The following ARNT2 variants were observed in gnomAD, a reference collection of about 807,000 sequenced individuals.
ARNT2 encodes ARNT protein 2.
A neutral mutation model predicts 91.7 loss-of-function variants in ARNT2; 36 were observed. The ratio of observed to expected loss-of-function variants is 0.39; its 90% CI spans 0.30 to 0.52. ARNT2 has a LOEUF of 0.52. Ranked by LOEUF, ARNT2 falls within the 20% of genes least tolerant of loss-of-function variation. The pLI is 0.72. For synonymous variants in ARNT2, 365 were observed against 347.1 expected, an observed-to-expected ratio of 1.05 and a Z score of -0.57; for missense variants, 775 against 939.3, an observed-to-expected ratio of 0.83 and a Z score of 2.29.
At chr15:80,464,827 C>T (rs1039412986) in intron 3 of ARNT2, among the ~76,000 whole-genome samples, 4 of 152,154 alleles carry the variant, frequency 2.6e-5, no homozygotes, top group South Asian at 2.1e-4. Flanking sequence ...GTCTTCCTTC[C>T]CGAGTGTCAC....
rs1331367417 is a variant in ARNT2, at chr15:80,574,211, C to T, written c.1380C>T (p.Asp460=). 3.1e-6 allele frequency: 5 copies of T among 1,614,032 alleles called. No homozygotes were observed. The African/African-American group carries it at 4.0e-5, about 13-fold the overall frequency. ...AGAGAGATGGATTGTCATCGTATGA[C>T]TTATCCCAGGTGAGTTTCTGGAAAA... The part of the protein sequence containing the change: ...VHQRDGLSSY[D]LSQVPVPNLP... Residue 460 remains aspartate, a synonymous_variant, in exon 13 of 19, where the codon GAC becomes GAT. Transcript: ENST00000303329.
intron 17 of ARNT2, among the ~76,000 whole-genome samples, chr15:80,588,782 T>C (rs919214194): frequency 7.9e-5 from 12 of 152,252 alleles, no homozygotes; most frequent in African/African-American, 2.9e-4. Flanking sequence ...AAACCTTTTC[T>C]ACTTGTCATG....
chr15:80,458,043 A>G, intron 3 of ARNT2, 67 bp downstream of exon 3: 1 of 1,522,050 alleles, frequency 6.6e-7, no homozygotes, highest in South Asian at 1.1e-5. Flanking sequence ...AGAAAGATAC[A>G]AGAATGTAAC....
chr15:80,463,325 A>AGGTT (rs1430234160), intron 3 of ARNT2, among the ~76,000 whole-genome samples: 2 of 152,136 alleles, frequency 1.3e-5, no homozygotes, highest in Non-Finnish European at 2.9e-5. Context: ...GAGGTTGCAG[A>AGGTT]GCAAACGCCA....
intron 5 of ARNT2, among the ~76,000 whole-genome samples, chr15:80,488,938 C>A (rs999712407): frequency 6.6e-6 from 1 of 152,152 alleles, no homozygotes; most frequent in Non-Finnish European, 1.5e-5. Flanking sequence ...GGAAGCCAAT[C>A]GACAAATACT....
intron 16 of ARNT2, 165 bp from the exon 17 acceptor site, chr15:80,581,074 C>T: frequency 1.3e-6 from 1 of 793,252 alleles, no homozygotes; most frequent in Non-Finnish European, 2.0e-6. Context: ...TGGGCCCTCA[C>T]ACACCGGGCT....
chr15:80,546,932 C>T (rs1897999914), intron 8 of ARNT2, among the ~76,000 whole-genome samples: 1 of 151,456 alleles, frequency 6.6e-6, no homozygotes, highest in Non-Finnish European at 1.5e-5. Flanking sequence ...CATTGCACTC[C>T]AGCCTGGGCG....
chr15:80,407,802 T>G (rs1346393342), intron 1 of ARNT2, among the ~76,000 whole-genome samples: 1 of 152,190 alleles, frequency 6.6e-6, no homozygotes, highest in Non-Finnish European at 1.5e-5. Context: ...TTGAATTAGT[T>G]ATATACATAA....
intron 1 of ARNT2, chr15:80,434,310 T>C (rs942533619): frequency 1.3e-5 from 2 of 152,194 alleles, no homozygotes; most frequent in African/African-American, 4.8e-5. Context: ...ATTTATGATT[T>C]TACAAGATTT....
chr15:80,575,550 T>TTC (rs1898659689), intron 14 of ARNT2, among the ~76,000 whole-genome samples: 1 of 152,190 alleles, frequency 6.6e-6, no homozygotes, highest in Non-Finnish European at 1.5e-5. Flanking sequence ...ACAAAGCACC[T>TTC]TCTCTCTCGT....
At chr15:80,423,799 A>AGT (rs1895895575) in intron 1 of ARNT2, among the ~76,000 whole-genome samples, 1 of 151,070 alleles carries the variant, frequency 6.6e-6, no homozygotes, top group Non-Finnish European at 1.5e-5. Flanking sequence ...AGAGAGAGAG[A>AGT]GTCATACTAT....
At chr15:80,464,580 G>A (rs893159742) in intron 3 of ARNT2, among the ~76,000 whole-genome samples, 1 of 152,172 alleles carries the variant, frequency 6.6e-6, no homozygotes, top group South Asian at 2.1e-4. Flanking sequence ...GGCTTCTGGG[G>A]AGCAGGATGC....
intron 4 of ARNT2, among the ~76,000 whole-genome samples, chr15:80,470,718 C>G (rs140332119): frequency 6.6e-6 from 1 of 152,190 alleles, no homozygotes; most frequent in African/African-American, 2.4e-5. Flanking sequence ...TTAGTAAAAA[C>G]GCTGTATGCT....
At chr15:80,466,277 A>G (rs959191601) in intron 3 of ARNT2, among the ~76,000 whole-genome samples, 2 of 152,228 alleles carry the variant, frequency 1.3e-5, no homozygotes, top group Admixed American at 6.5e-5. Context: ...AAGAAACACA[A>G]GTCAGTGTGC....
At chr15:80,424,236 A>T (rs1490091402) in intron 1 of ARNT2, among the ~76,000 whole-genome samples, 1 of 152,188 alleles carries the variant, frequency 6.6e-6, no homozygotes, top group Non-Finnish European at 1.5e-5. Context: ...TGAGAGAGGG[A>T]ACATTCCTCA....
chr15:80,567,485 G>C (rs1898506830), intron 12 of ARNT2, among the ~76,000 whole-genome samples: 1 of 152,290 alleles, frequency 6.6e-6, no homozygotes, highest in South Asian at 2.1e-4. Flanking sequence ...GGAGGGACAG[G>C]TAGAATGCAA....
chr15:80,586,840 C>CAAA (rs10679933), intron 17 of ARNT2, among the ~76,000 whole-genome samples: 2,759 of 113,026 alleles, frequency 0.024, 103 homozygotes, highest in African/African-American at 0.073. Flanking sequence ...GACTCCATTT[C>CAAA]AAAAAAAAAA....
At chr15:80,440,135 TC>T (rs1229101907) in intron 1 of ARNT2, among the ~76,000 whole-genome samples, 4 of 152,214 alleles carry the variant, frequency 2.6e-5, no homozygotes, top group Non-Finnish European at 2.9e-5. Context: ...CGGACACCAA[TC>T]CTTCCAACCT....
rs369899179 is a variant in ARNT2 at position 80,450,988 on chromosome 15, G to A, written c.140G>A (p.Arg47His). ...GAMPARGGKR[R>H]SGMDFDDEDG... ...ATGCCTGCCCGTGGAGGAAAGCGGC[G>A]TTCCGGGTAAGCGACCTCAGCGTTT... The change falls in exon 2 of 19, where the codon CGT (arginine) becomes CAT (histidine). Residue 47 changes from arginine to histidine, a missense_variant. This residue lies in a region of ARNT2 where 79 missense variants were observed against 83.8 expected (regional missense o/e 0.94). Coordinates refer to ENST00000303329, the MANE Select transcript of ARNT2 (RefSeq NM_014862.4). 9 of 1,613,524 alleles carry A rather than the reference G, an allele frequency of 5.6e-6. No individual in the cohort carries two copies. Among genetic ancestry groups the A allele is most frequent in the South Asian group, 2.2e-5 (2 of 91,078 alleles).
Sources: allele counts gnomAD v4.1 joint callset (sites outside exome capture counted in the v4.1 genomes callset), GRCh38; gene constraint gnomAD v4.1.1; regional missense constraint gnomAD v4.1.1; transcripts MANE v1.5; gene names NCBI Gene and HGNC (gene_info 2026-07-23, HGNC 2026-07-21).